Variants in BTBD8 observed in about 807,000 individuals in gnomAD.
The protein encoded by BTBD8 is BTB/POZ domain-containing protein 8.
BTBD8 carries 110 observed loss-of-function variants against 162.9 expected under a neutral mutation model. The ratio of observed to expected loss-of-function variants is 0.68; its 90% CI spans 0.58 to 0.79. The LOEUF is 0.79. Ranked by LOEUF, BTBD8 falls within the 30% of genes least tolerant of loss-of-function variation. The pLI, the probability that BTBD8 is intolerant of heterozygous loss-of-function variation, is 0.00. For synonymous variants in BTBD8, 667 were observed against 716.1 expected, an observed-to-expected ratio of 0.93 and a Z score of 1.10; for missense variants, 1,905 against 2,085.4, an observed-to-expected ratio of 0.91 and a Z score of 1.68.
At position 92,181,694 on chromosome 1, in the gene BTBD8, G is replaced by A. The variant is rs370813741; in HGVS notation, c.4011G>A (p.Thr1337=). Reference sequence around the variant, plus strand: ...ATGATCTTTTCCAAGTTAATTCAACGAGTGATGATGAAATCCCTAGGAAAA... The same window carrying A: ...ATGATCTTTTCCAAGTTAATTCAACAAGTGATGATGAAATCCCTAGGAAAA... ...SNNDLFQVNS[T]SDDEIPRKRP... Residue 1337 remains threonine, a synonymous_variant, in exon 17 of 18, where the codon ACG becomes ACA. Transcript: ENST00000636805. The A allele has an allele frequency of 7.7e-5, 120 of 1,551,364 alleles. No homozygotes were observed. The highest frequency in any genetic ancestry group is 1.7e-4 in the Middle Eastern group (1 of 6,016).
In BTBD8 at chr1:92,107,946, C is replaced by G; in HGVS notation, c.607C>G (p.Pro203Ala). 6.2e-7 allele frequency: 1 copy of G among 1,614,014 alleles called. No individual in the cohort carries two copies. Among genetic ancestry groups the G allele is most frequent in the Non-Finnish European group, 8.5e-7 (1 of 1,179,982 alleles). ...AGATTTATTGAAGCTTTATGTGAAA[C>G]CTTGTTGCCCAGATATTGATATTTT... The part of the protein sequence containing the change: ...GEDLLKLYVK[P>A]CCPDIDIFVD... The change falls in exon 4 of 18, where the codon CCT becomes GCT. Residue 203 changes from proline to alanine, a missense_variant. Pro to Ala is a conservative substitution (Grantham distance 27). Around this residue, in one of 3 missense-constraint regions of BTBD8, gnomAD observed 1,374 missense variants for 1,442.7 expected, o/e 0.95. Coordinates refer to ENST00000636805, the MANE Select transcript of BTBD8 (RefSeq NM_001376131.1).
chr1:92,113,590 C>A (rs1201024931), intron 4 of BTBD8, among the ~76,000 whole-genome samples: 1 of 152,202 alleles, frequency 6.6e-6, no homozygotes, highest in Non-Finnish European at 1.5e-5. Context: ...TAGGGCTAGA[C>A]CTGCCTTATT....
At chr1:92,110,310 G>T (rs1429400316) in intron 4 of BTBD8, among the ~76,000 whole-genome samples, 1 of 152,210 alleles carries the variant, frequency 6.6e-6, no homozygotes, top group Non-Finnish European at 1.5e-5. Flanking sequence ...ATTATTAGCT[G>T]TGTGAATTTG....
chr1:92,147,884 T>C (rs922007592), intron 9 of BTBD8, 98 bp downstream of exon 9: 5 of 1,107,600 alleles, frequency 4.5e-6, no homozygotes, highest in Admixed American at 2.5e-5. Context: ...ATGTAAAATA[T>C]TGTAAAAGCA....
At chr1:92,117,357 T>A (rs947615068) in intron 4 of BTBD8, among the ~76,000 whole-genome samples, 2 of 152,070 alleles carry the variant, frequency 1.3e-5, no homozygotes, top group African/African-American at 4.8e-5. Context: ...ATTAAAGGTT[T>A]TTTTTTTAGC....
intron 2 of BTBD8, among the ~76,000 whole-genome samples, chr1:92,099,012 A>C (rs1445050530): frequency 3.3e-5 from 5 of 152,212 alleles, no homozygotes; most frequent in Non-Finnish European, 7.3e-5. Flanking sequence ...TACTTAAAAC[A>C]GTTTTGTACT....
Position 92,180,793 on chromosome 1 carries a change from C to T in BTBD8, c.3110C>T (p.Ser1037Leu). The T allele has an allele frequency of 7.1e-6, 11 of 1,551,586 alleles. No individual in the cohort carries two copies. Among genetic ancestry groups the T allele is most frequent in the Non-Finnish European group, 9.6e-6 (11 of 1,146,970 alleles). ...ECQNISKLDK[S>L]LKHELESKQI... ...CAAAATATTTCAAAGCTGGATAAATCATTAAAACACGAACTGGAATCAAAA... is the reference window on the plus strand; with the variant it reads ...CAAAATATTTCAAAGCTGGATAAATTATTAAAACACGAACTGGAATCAAAA... The change falls in exon 17 of 18, where the codon TCA (serine) becomes TTA (leucine). Residue 1037 changes from serine (S) to leucine (L), a missense_variant. By Grantham distance (145) the Ser-to-Leu change is moderately radical. Coordinates refer to ENST00000636805, the MANE Select transcript of BTBD8 (RefSeq NM_001376131.1).
intron 9 of BTBD8, among the ~76,000 whole-genome samples, 183 bp from the exon 10 acceptor site, chr1:92,166,775 T>C (rs183071692): frequency 2.4e-4 from 36 of 152,282 alleles, no homozygotes; most frequent in African/African-American, 8.7e-4. Context: ...AACTTTACCC[T>C]TTTGAATAAT....
Position 92,182,486 on chromosome 1 carries a change from C to T in BTBD8, c.4803C>T (p.Ser1601=). Residue 1601 remains serine (S), a synonymous_variant, in exon 17 of 18, where the codon AGC becomes AGT. Transcript: ENST00000636805. The part of the protein sequence containing the change: ...REPNSDIPKN[S]STKSLDSFRS... ...CCAATTCTGACATACCAAAGAACAGCTCTACAAAATCTCTAGACTCCTTTC... is the reference window on the plus strand; with the variant it reads ...CCAATTCTGACATACCAAAGAACAGTTCTACAAAATCTCTAGACTCCTTTC... 1 of 1,551,362 alleles carries T rather than the reference C, an allele frequency of 6.4e-7. No individual in the cohort carries two copies. The highest frequency in any genetic ancestry group is 8.7e-7 in the Non-Finnish European group (1 of 1,146,768).
chr1:92,181,508 G>T lies in BTBD8; in HGVS notation c.3825G>T (p.Gln1275His). Residue 1275 changes from glutamine (Q) to histidine (H), a missense_variant, in exon 17 of 18, where the codon CAG (glutamine) becomes CAT (histidine). Physicochemically the swap from Gln to His is conservative, Grantham distance 24. Around this residue, in one of 3 missense-constraint regions of BTBD8, gnomAD observed 517 missense variants for 606.6 expected, o/e 0.85. Transcript: ENST00000636805. Reference protein sequence around the residue: ...RSEDYDAGGSQDDDGSNDRGI... With the variant: ...RSEDYDAGGSHDDDGSNDRGI... The stretch of plus-strand genomic sequence containing the variant: ...AAGACTATGATGCTGGAGGGTCTCA[G>T]GATGATGATGGGTCAAATGACAGAG... The T allele has an allele frequency of 6.4e-7, 1 of 1,551,710 alleles. No homozygotes were observed.
intron 4 of BTBD8, among the ~76,000 whole-genome samples, chr1:92,121,289 A>G (rs1185559509): frequency 6.6e-6 from 1 of 152,094 alleles, no homozygotes; most frequent in Non-Finnish European, 1.5e-5. Flanking sequence ...GTTTGCTAAT[A>G]TTTTGTTTAG....
chr1:92,083,135 C>CAAA (rs142871617), intron 1 of BTBD8, among the ~76,000 whole-genome samples: 2 of 93,346 alleles, frequency 2.1e-5, no homozygotes, highest in African/African-American at 4.0e-5. Context: ...GACTCTGTCT[C>CAAA]AAAAAAAAAA....
In BTBD8 at chr1:92,110,624, G is replaced by C. The variant is rs185105991; in HGVS notation, c.662+2623G>C. Among the ~76,000 whole-genome samples, 335 of 152,148 alleles carry C rather than the reference G, an allele frequency of 2.2e-3. 5 individuals are homozygous for C. The highest frequency in any genetic ancestry group is 7.1e-3 in the African/African-American group (295 of 41,534). ...CATCTGGGATCTCGGCTCACTGCAA[G>C]CTCCGCCTCCCGGGTTCACACCATT... On this transcript the variant is annotated intron_variant, in intron 4 of 17. Transcript: ENST00000636805.
chr1:92,099,375 C>G (rs1024945680), intron 2 of BTBD8, among the ~76,000 whole-genome samples: 1 of 151,360 alleles, frequency 6.6e-6, no homozygotes, highest in Non-Finnish European at 1.5e-5. Flanking sequence ...GTTCTGGGCC[C>G]CTTGTATTTC....
intron 12 of BTBD8, among the ~76,000 whole-genome samples, chr1:92,170,037 A>G (rs1184017364): frequency 2.9e-4 from 44 of 152,176 alleles, no homozygotes. Context: ...AGATAAGATC[A>G]GCATTCCTTC....
intron 4 of BTBD8, among the ~76,000 whole-genome samples, chr1:92,112,291 C>G (rs4658129): frequency 0.6 from 90,872 of 151,866 alleles, 27,878 homozygotes; most frequent in East Asian, 0.97. Flanking sequence ...GTAGTCTCAG[C>G]TAATCGGGAG....
intron 2 of BTBD8, among the ~76,000 whole-genome samples, chr1:92,101,491 C>T (rs781582530): frequency 6.6e-6 from 1 of 152,216 alleles, no homozygotes; most frequent in Non-Finnish European, 1.5e-5. Flanking sequence ...ACACTACTCA[C>T]TGCCCCACCA....
At chr1:92,157,614 C>T (rs1287631619) in intron 9 of BTBD8, among the ~76,000 whole-genome samples, 1 of 152,064 alleles carries the variant, frequency 6.6e-6, no homozygotes, top group East Asian at 1.9e-4. Context: ...AGTGATCCTT[C>T]TGCCTTCCAA....
intron 9 of BTBD8, among the ~76,000 whole-genome samples, chr1:92,165,273 A>T (rs1650360306): frequency 6.6e-6 from 1 of 152,222 alleles, no homozygotes; most frequent in African/African-American, 2.4e-5. Context: ...ACTATGACCC[A>T]GTTTTATACT....
Sources: allele counts gnomAD v4.1 joint callset (sites outside exome capture counted in the v4.1 genomes callset), GRCh38; gene constraint gnomAD v4.1.1; regional missense constraint gnomAD v4.1.1; transcripts MANE v1.5; gene names NCBI Gene and HGNC (gene_info 2026-07-23, HGNC 2026-07-21).